The following FSTL5 variants were observed in gnomAD, a reference collection of about 807,000 sequenced individuals.
FSTL5 encodes the protein follistatin like 5.
Under a neutral mutation model 89.1 loss-of-function variants are expected in FSTL5, and 62 were observed. The ratio of observed to expected loss-of-function variants is 0.70; its 90% CI spans 0.57 to 0.86. The LOEUF is 0.86. Ranked by LOEUF, FSTL5 falls within the 40% of genes least tolerant of loss-of-function variation. The pLI, the probability that FSTL5 is intolerant of heterozygous loss-of-function variation, is 0.00. For missense variants in FSTL5, 1,057 were observed against 1,001.6 expected (o/e 1.06, Z -0.75); for synonymous variants, 383 against 346.2 (o/e 1.11, Z -1.18).
At chr4:161,787,436 T>C (rs946106694) in intron 4 of FSTL5, among the ~76,000 whole-genome samples, 2 of 152,082 alleles carry the variant, frequency 1.3e-5, no homozygotes, top group Non-Finnish European at 2.9e-5. Flanking sequence ...ATTATGACCA[T>C]GCACATTTTA....
intron 6 of FSTL5, among the ~76,000 whole-genome samples, chr4:161,708,599 T>C (rs1416506745): frequency 6.6e-6 from 1 of 152,186 alleles, no homozygotes; most frequent in East Asian, 1.9e-4. Flanking sequence ...TAAAGTCATT[T>C]ATATAAATTA....
At chr4:161,948,079 C>G (rs115496826) in intron 3 of FSTL5, among the ~76,000 whole-genome samples, 2,864 of 151,712 alleles carry the variant, frequency 0.019, 89 homozygotes, top group African/African-American at 0.064. Flanking sequence ...GAGTTCAAGG[C>G]CAGCCTGGAC....
At chr4:162,111,547 G>C (rs1731444426) in intron 1 of FSTL5, 135 bp from the exon 2 acceptor site, 1 of 566,490 alleles carries the variant, frequency 1.8e-6, no homozygotes, top group Non-Finnish European at 3.0e-6. Flanking sequence ...CAAGGGAAAT[G>C]AGAAGTGAGT....
At chr4:161,473,883 G>C (rs1033926119) in intron 13 of FSTL5, among the ~76,000 whole-genome samples, 2 of 152,094 alleles carry the variant, frequency 1.3e-5, no homozygotes, top group African/African-American at 2.4e-5. Flanking sequence ...ATAGCATATA[G>C]TTTGATCCTG....
chr4:161,985,191 T>C (rs990842906), intron 3 of FSTL5, among the ~76,000 whole-genome samples: 1 of 152,094 alleles, frequency 6.6e-6, no homozygotes, highest in Admixed American at 6.6e-5. Flanking sequence ...CCAAGATTAC[T>C]TGCAAGCCAA....
At chr4:161,395,535 C>T (rs1730967985) in intron 15 of FSTL5, among the ~76,000 whole-genome samples, 1 of 151,958 alleles carries the variant, frequency 6.6e-6, no homozygotes, top group Admixed American at 6.6e-5. Flanking sequence ...AAAATATTAA[C>T]ATTTTATAAT....
chr4:161,873,374 C>T (rs1732336042), intron 4 of FSTL5, among the ~76,000 whole-genome samples: 1 of 152,000 alleles, frequency 6.6e-6, no homozygotes, highest in Non-Finnish European at 1.5e-5. Flanking sequence ...TTAGGGTTAA[C>T]AGTCAAAAAG....
chr4:161,930,209 C>T (rs763725789), intron 3 of FSTL5, among the ~76,000 whole-genome samples: 12 of 151,824 alleles, frequency 7.9e-5, no homozygotes, highest in Non-Finnish European at 1.8e-4. Context: ...CAAGACATCA[C>T]AGCTGAATTT....
chr4:161,860,087 G>C (rs1318825038), intron 4 of FSTL5, among the ~76,000 whole-genome samples: 2 of 152,084 alleles, frequency 1.3e-5, no homozygotes, highest in East Asian at 1.9e-4. Flanking sequence ...AGGAGATCTA[G>C]ACCATCCTGG....
At chr4:161,917,752 G>T (rs576477918) in intron 4 of FSTL5, among the ~76,000 whole-genome samples, 41 of 152,176 alleles carry the variant, frequency 2.7e-4, no homozygotes, top group Non-Finnish European at 5.0e-4. Flanking sequence ...TTTCTGAAAA[G>T]ATCCACATAA....
chr4:162,125,220 CT>C (rs1306901859), intron 1 of FSTL5, among the ~76,000 whole-genome samples: 1 of 151,996 alleles, frequency 6.6e-6, no homozygotes, highest in Non-Finnish European at 1.5e-5. Context: ...TTAATTTTTA[CT>C]TTATACAACT....
intron 15 of FSTL5, among the ~76,000 whole-genome samples, chr4:161,442,369 G>T (rs1578977781): frequency 6.6e-6 from 1 of 151,992 alleles, no homozygotes; most frequent in South Asian, 2.1e-4. Flanking sequence ...TAATTTAAAA[G>T]ACACTGAAAA....
At chr4:161,709,516 C>T (rs1437074871) in intron 6 of FSTL5, among the ~76,000 whole-genome samples, 1 of 152,084 alleles carries the variant, frequency 6.6e-6, no homozygotes, top group Non-Finnish European at 1.5e-5. Flanking sequence ...GAAGTTTAAA[C>T]GTTGGCTGGT....
chr4:161,804,504 T>C (rs1037706253), intron 4 of FSTL5, among the ~76,000 whole-genome samples: 1 of 146,818 alleles, frequency 6.8e-6, no homozygotes, highest in African/African-American at 2.5e-5. Flanking sequence ...AACAATTTCC[T>C]ATATGATCAA....
intron 5 of FSTL5, among the ~76,000 whole-genome samples, chr4:161,771,146 T>C (rs529655117): frequency 6.6e-6 from 1 of 152,236 alleles, no homozygotes; most frequent in Non-Finnish European, 1.5e-5. Context: ...CTGCTTACAG[T>C]ATTTGTTTTG....
chr4:161,528,956 T>A (rs902530340), intron 10 of FSTL5, among the ~76,000 whole-genome samples: 1 of 138,430 alleles, frequency 7.2e-6, no homozygotes, highest in Non-Finnish European at 1.5e-5. Context: ...ATAAATAAAA[T>A]TTCATCATCA....
chr4:161,744,206 T>A (rs1482004171), intron 6 of FSTL5, among the ~76,000 whole-genome samples: 1 of 152,084 alleles, frequency 6.6e-6, no homozygotes, highest in Non-Finnish European at 1.5e-5. Flanking sequence ...CTATGACGAC[T>A]TTTTTGGACA....
intron 2 of FSTL5, among the ~76,000 whole-genome samples, chr4:162,044,157 A>G (rs1379077715): frequency 6.6e-6 from 1 of 152,192 alleles, no homozygotes; most frequent in Non-Finnish European, 1.5e-5. Context: ...ATCACTGTCT[A>G]TGACAGCTAA....
At chr4:161,533,897 C>A (rs1731507054) in intron 10 of FSTL5, among the ~76,000 whole-genome samples, 1 of 151,982 alleles carries the variant, frequency 6.6e-6, no homozygotes, top group Non-Finnish European at 1.5e-5. Context: ...ATCAAGTATG[C>A]TTTATTCCTG....
Sources: gnomAD v4.1 joint callset for allele counts (sites outside exome capture counted in the v4.1 genomes callset) on GRCh38, gnomAD v4.1.1 for gene constraint, MANE v1.5 for transcripts, NCBI Gene and HGNC (gene_info 2026-07-23, HGNC 2026-07-21) for gene names.